Variants in ZPR1 observed in about 807,000 individuals in gnomAD.
The protein encoded by ZPR1 is ZPR1 zinc finger.
ZPR1 carries 37 observed loss-of-function variants against 59.6 expected under a neutral mutation model. The ratio of observed to expected loss-of-function variants is 0.62; its 90% CI spans 0.48 to 0.82. The LOEUF (loss-of-function observed/expected upper bound fraction) is 0.82. Ranked by LOEUF, ZPR1 falls within the 40% of genes least tolerant of loss-of-function variation. ZPR1 has a pLI of 0.00. For missense variants in ZPR1, 527 were observed against 579.9 expected, an observed-to-expected ratio of 0.91 and a Z score of 0.94; for synonymous variants, 191 against 215.2, an observed-to-expected ratio of 0.89 and a Z score of 0.99.
At chr11:116,780,076 TAAATG>T (rs1162814891) in intron 12 of ZPR1, among the ~76,000 whole-genome samples, 1 of 149,550 alleles carries the variant, frequency 6.7e-6, no homozygotes, top group Non-Finnish European at 1.5e-5. Context: ...AGAAATGAAA[TAAATG>T]AAAGTAAAGA....
Position 116,779,832 on chromosome 11 carries a change from G to T in ZPR1, c.1185C>A (p.Ile395=). 1 of 1,508,614 alleles carries T rather than the reference G, an allele frequency of 6.6e-7. No individual in the cohort carries two copies. Among genetic ancestry groups the T allele is most frequent in the Non-Finnish European group, 9.0e-7 (1 of 1,115,582 alleles). The allele number at this position is 1,508,614 out of a possible 1,614,324, so 93.5% of individuals were successfully genotyped here. ...TAAAGTGGGCCTTCATGTTACCTTC[G>T]ATGATCTAAAGGAGAGAGAGAACAC... is the stretch of plus-strand genomic sequence containing the variant. The part of the protein sequence containing the change: ...QEFSQKMDQI[I]EGNMKAHFIM... Residue 395 remains isoleucine, a synonymous_variant, in exon 13 of 14, where the codon ATC becomes ATA. Transcript: ENST00000227322.
In ZPR1 at chr11:116,787,907, A is replaced by AGGGGCAGGCGGC; in HGVS notation, c.72_83dup (p.Pro25_Pro28dup). The AGGGGCAGGCGGC allele has an allele frequency of 6.6e-7, 1 of 1,523,512 alleles. No individual in the cohort carries two copies. 94.4% of individuals were successfully genotyped at this position (1,523,512 alleles called of 1,614,324 possible). A position where few individuals can be genotyped will look rare whatever the true frequency, so the allele number is the denominator to read the frequency against. On this transcript the variant is annotated inframe_insertion, in exon 1 of 14. Transcript: ENST00000227322. ...CGCTGATGGGCCGGAACAGGTGATC[A>AGGGGCAGGCGGC]GGGGCAGGCGGCGGGGCCGGGGCGG... is the stretch of plus-strand genomic sequence containing the variant.
At chr11:116,779,505 A>G (rs1325159000) in intron 13 of ZPR1, among the ~76,000 whole-genome samples, 1 of 152,136 alleles carries the variant, frequency 6.6e-6, no homozygotes, top group Non-Finnish European at 1.5e-5. Context: ...TTGCAAAATG[A>G]AAACTCCAGA....
Position 116,785,867 on chromosome 11 carries a change from T to G in ZPR1, c.511A>C (p.Thr171Pro). The change falls in exon 5 of 14, where the codon ACA (threonine) becomes CCA (proline). Residue 171 changes from threonine (T) to proline (P), a missense_variant. Physicochemically the swap from Thr to Pro is conservative, Grantham distance 38. Coordinates refer to ENST00000227322, the MANE Select transcript of ZPR1 (RefSeq NM_003904.5). Reference protein sequence around the residue: ...QPARRANKDATAERIDEFIVK... With the variant: ...QPARRANKDAPAERIDEFIVK... ...ATGAACTCATCAATTCTTTCAGCTG[T>G]AGCATCTTTGTTTGCCTGCCATGAA... 2 of 1,614,160 alleles carry G rather than the reference T, an allele frequency of 1.2e-6. No homozygotes were observed. Among genetic ancestry groups the G allele is most frequent in the Non-Finnish European group, 1.7e-6 (2 of 1,180,002 alleles).
intron 4 of ZPR1, 121 bp downstream of exon 4, chr11:116,786,390 G>A (rs61905119): frequency 1.9e-6 from 2 of 1,025,936 alleles, no homozygotes; most frequent in Non-Finnish European, 3.0e-6. Context: ...AGCAGCTCCA[G>A]CACCACCATA....
At chr11:116,784,330 G>A (rs1374731672) in intron 9 of ZPR1, 48 bp downstream of exon 9, 6 of 1,585,928 alleles carry the variant, frequency 3.8e-6, no homozygotes, top group Non-Finnish European at 5.2e-6. Context: ...AGTTAAAAGG[G>A]GGTTACCCTT....
In ZPR1 at chr11:116,778,908, C is replaced by T; in HGVS notation, c.*17G>A. 6.2e-7 allele frequency: 1 copy of T among 1,612,662 alleles called. No individual in the cohort carries two copies. The highest frequency in any genetic ancestry group is 2.2e-5 in the East Asian group (1 of 44,888). ...AGAAAGAGCAGCGCTGGAGGCTGGC[C>T]CTTGAGCCACCCACTGCTACCGTTG... On this transcript the variant is annotated 3_prime_UTR_variant, in exon 14 of 14. Transcript: ENST00000227322.
At chr11:116,785,692 A>G (rs1591309722) in intron 5 of ZPR1, 56 bp from the exon 6 acceptor site, 1 of 1,613,488 alleles carries the variant, frequency 6.2e-7, no homozygotes, top group East Asian at 2.2e-5. Flanking sequence ...ACAATCCTAC[A>G]TCACCTACTA....
At position 116,776,185 on chromosome 11, in the gene ZPR1, T is replaced by C. The variant is rs1051152001; in HGVS notation, c.*2740A>G. The C allele has an allele frequency of 6.6e-6, 1 of 152,270 alleles. No individual in the cohort carries two copies. The highest frequency in any genetic ancestry group is 2.4e-5 in the African/African-American group (1 of 41,472). 9.4% of individuals were successfully genotyped at this position (152,270 alleles called of 1,614,324 possible). On this transcript the variant is annotated 3_prime_UTR_variant, in exon 14 of 14. Coordinates refer to ENST00000227322, the MANE Select transcript of ZPR1 (RefSeq NM_003904.5). ...CCGAACATGGCTGCATTTCACATAC[T>C]TGACCCATGAAAGTAGGAGGCGTGC...
In ZPR1 at chr11:116,787,911, G is replaced by A. The variant is rs960609801; in HGVS notation, c.80C>T (p.Ala27Val). 9.2e-6 allele frequency: 14 copies of A among 1,518,896 alleles called. No individual in the cohort carries two copies. Among genetic ancestry groups the A allele is most frequent in the Middle Eastern group, 2.3e-4 (1 of 4,276 alleles). 94.1% of individuals were successfully genotyped at this position (1,518,896 alleles called of 1,614,324 possible). ...GATGGGCCGGAACAGGTGATCAGGG[G>A]CAGGCGGCGGGGCCGGGGCGGGCGA... ...APSPAPAPPP[A>V]PDHLFRPISA... The change falls in exon 1 of 14, where the codon GCC becomes GTC. Residue 27 changes from alanine to valine, a missense_variant. Transcript: ENST00000227322.
chr11:116,785,757 T>TC, intron 5 of ZPR1, 39 bp downstream of exon 5: 1 of 1,611,932 alleles, frequency 6.2e-7, no homozygotes, highest in Non-Finnish European at 8.5e-7. Context: ...TGGTCCCTCC[T>TC]CCCCTAATCA....
intron 12 of ZPR1, among the ~76,000 whole-genome samples, chr11:116,781,795 G>C (rs941772737): frequency 6.6e-6 from 1 of 152,022 alleles, no homozygotes; most frequent in African/African-American, 2.4e-5. Context: ...GGCAGATCAC[G>C]AGGTCAGGAG....
Position 116,787,898 on chromosome 11 carries a change from C to T in ZPR1, c.93G>A (p.Leu31=), listed in dbSNP as rs1438988367. The T allele has an allele frequency of 6.5e-7, 1 of 1,537,338 alleles. No individual in the cohort carries two copies. Among genetic ancestry groups the T allele is most frequent in the African/African-American group, 1.4e-5 (1 of 71,768 alleles). The change falls in exon 1 of 14, where the codon CTG becomes CTA. Residue 31 remains leucine (L), a synonymous_variant. Coordinates refer to ENST00000227322, the MANE Select transcript of ZPR1 (RefSeq NM_003904.5). The stretch of plus-strand genomic sequence containing the variant: ...CGTCCTCGGCGCTGATGGGCCGGAA[C>T]AGGTGATCAGGGGCAGGCGGCGGGG... ...APAPPPAPDH[L]FRPISAEDEE... is the part of the protein sequence containing the mutation.
rs754108767 is a variant in ZPR1, at chr11:116,779,850, G to A, written c.1180-13C>T. 7.5e-6 allele frequency: 11 copies of A among 1,469,512 alleles called. No individual in the cohort carries two copies. Among genetic ancestry groups the A allele is most frequent in the Middle Eastern group, 3.7e-4 (2 of 5,440 alleles). The allele number at this position is 1,469,512 out of a possible 1,614,324, so 91.0% of individuals were successfully genotyped here. ...TACCTTCGATGATCTAAAGGAGAGA[G>A]AGAACACAGCAAGTAAATTTTACAT... On this transcript the variant is annotated splice_polypyrimidine_tract_variant and intron_variant, in intron 12 of 13. Transcript: ENST00000227322.
At chr11:116,781,999 G>A (rs1404190885) in intron 12 of ZPR1, among the ~76,000 whole-genome samples, 159 bp downstream of exon 12, 4 of 150,248 alleles carry the variant, frequency 2.7e-5, no homozygotes, top group South Asian at 2.1e-4. Flanking sequence ...GCAACAGAAC[G>A]AGACTCTGTC....
At position 116,787,374 on chromosome 11, in the gene ZPR1, G is replaced by C. The variant is rs2134199037; in HGVS notation, c.333+108C>G. ...ATTTTACAAAAGAAACTAAGGCTAG[G>C]AGACATAGGGGGATTTATTTAAGAT... is the stretch of plus-strand genomic sequence containing the variant. On this transcript the variant is annotated intron_variant, in intron 2 of 13. Transcript: ENST00000227322. 6 of 1,163,210 alleles carry C rather than the reference G, an allele frequency of 5.2e-6. No homozygotes were observed. In the South Asian group the frequency reaches 7.5e-5, roughly 15 times the overall value. 72.1% of individuals were successfully genotyped at this position (1,163,210 alleles called of 1,614,324 possible).
intron 10 of ZPR1, 80 bp from the exon 11 acceptor site, chr11:116,783,109 A>T: frequency 9.6e-7 from 1 of 1,038,440 alleles, no homozygotes; most frequent in Non-Finnish European, 1.5e-6. Context: ...AATTAATACC[A>T]GCAGTGATAG....
rs1940763504 is a variant in ZPR1, at chr11:116,779,028, A to G, written c.1277T>C (p.Met426Thr). The change falls in exon 14 of 14, where the codon ATG becomes ACG. Residue 426 changes from methionine to threonine, a missense_variant. Met to Thr is a moderately conservative substitution (Grantham distance 81). Transcript: ENST00000227322. ...GGTGCGCTTGTAACGCTCCACCTTC[A>G]TCTCAGGATCATCTTCAGGCGCATA... ...NVYAPEDDPE[M>T]KVERYKRTFD... The G allele has an allele frequency of 6.2e-7, 1 of 1,614,036 alleles. No individual in the cohort carries two copies. The highest frequency in any genetic ancestry group is 1.3e-5 in the African/African-American group (1 of 74,922).
Position 116,782,184 on chromosome 11 carries a change from G to A in ZPR1, c.1153C>T (p.Gln385Ter), listed in dbSNP as rs778778790. 4 of 1,614,178 alleles carry A rather than the reference G, an allele frequency of 2.5e-6. No homozygotes were observed. The highest frequency in any genetic ancestry group is 1.1e-5 in the South Asian group (1 of 91,086). ...SSNPGQTERL[Q>*]EFSQKMDQII... ...TGGTCCATCTTCTGGCTAAACTCCT[G>A]TAGTCTCTCCGTCTGTCCAGGATTG... is the stretch of plus-strand genomic sequence containing the variant. Residue 385 changes from glutamine (Q) to a stop codon, truncating the protein, a stop_gained, in exon 12 of 14, where the codon CAG becomes TAG. Transcript: ENST00000227322. LOFTEE classifies it high-confidence loss of function.
Sources: gnomAD v4.1 joint callset for allele counts (sites outside exome capture counted in the v4.1 genomes callset) on GRCh38, gnomAD v4.1.1 for gene constraint, MANE v1.5 for transcripts, NCBI Gene and HGNC (gene_info 2026-07-23, HGNC 2026-07-21) for gene names.